PRKCE: variants seen among roughly 807,000 people sequenced by gnomAD.
The protein encoded by PRKCE is protein kinase C epsilon, also known as protein kinase C epsilon type.
Under a neutral mutation model 85.4 loss-of-function variants are expected in PRKCE, and 16 were observed. The ratio of observed to expected loss-of-function variants is 0.19; its 90% CI spans 0.13 to 0.28. The LOEUF is 0.28. Among genes scored for constraint, PRKCE ranks in the 10% least tolerant of loss-of-function variants. The probability of loss-of-function intolerance (pLI) is 1.00; values close to 1 mark genes in which losing one functional copy is unlikely to be tolerated. For missense variants in PRKCE, 573 were observed against 975.2 expected (o/e 0.59, Z 5.49); for synonymous variants, 388 against 371.5 (o/e 1.04, Z -0.51).
chr2:45,932,810 A>G (rs756579286), intron 2 of PRKCE, among the ~76,000 whole-genome samples: 1 of 152,212 alleles, frequency 6.6e-6, no homozygotes, highest in South Asian at 2.1e-4. Flanking sequence ...GCCCCGGGCA[A>G]TCGTCATGCT....
At position 46,186,358 on chromosome 2, in the gene PRKCE, T is replaced by A. The variant is rs1377820548; in HGVS notation, c.*1477T>A. On this transcript the variant is annotated 3_prime_UTR_variant, in exon 15 of 15. Coordinates refer to ENST00000306156, the MANE Select transcript of PRKCE (RefSeq NM_005400.3). Reference sequence around the variant, plus strand: ...AGTGGCAAAGTGGCACTAATGAAGCTTTTGCCTTTTGTACATTTGAGATTT... The same window carrying A: ...AGTGGCAAAGTGGCACTAATGAAGCATTTGCCTTTTGTACATTTGAGATTT... 6.6e-6 allele frequency: 1 copy of A among 152,644 alleles called. No homozygotes were observed. Among genetic ancestry groups the A allele is most frequent in the African/African-American group, 2.4e-5 (1 of 41,460 alleles). 9.5% of individuals were successfully genotyped at this position (152,644 alleles called of 1,614,324 possible). A position where few individuals can be genotyped will look rare whatever the true frequency, so the allele number is the denominator to read the frequency against.
intron 2 of PRKCE, among the ~76,000 whole-genome samples, chr2:45,850,959 C>T (rs1037443761): frequency 9.2e-5 from 14 of 152,330 alleles, no homozygotes; most frequent in Non-Finnish European, 5.9e-5. Context: ...TCATGCTCTG[C>T]TAGAAGGAGG....
chr2:45,717,538 G>A (rs371629240), intron 1 of PRKCE, among the ~76,000 whole-genome samples: 9 of 152,228 alleles, frequency 5.9e-5, no homozygotes, highest in East Asian at 1.9e-4. Flanking sequence ...ATATCTGCAC[G>A]TTCCCTGGAG....
chr2:45,765,350 A>G (rs1684828354), intron 1 of PRKCE, among the ~76,000 whole-genome samples: 1 of 152,226 alleles, frequency 6.6e-6, no homozygotes, highest in Non-Finnish European at 1.5e-5. Context: ...GCCAAGGCCA[A>G]TGGAGTCTCC....
chr2:46,079,224 G>C (rs566973843), intron 10 of PRKCE, among the ~76,000 whole-genome samples: 7 of 150,914 alleles, frequency 4.6e-5, no homozygotes, highest in Non-Finnish European at 8.8e-5. Flanking sequence ...GGACTGTTTT[G>C]TGTAATGATC....
intron 1 of PRKCE, among the ~76,000 whole-genome samples, chr2:45,699,848 G>A (rs1481786337): frequency 6.6e-6 from 1 of 152,202 alleles, no homozygotes; most frequent in Non-Finnish European, 1.5e-5. Flanking sequence ...GAAGGCACCA[G>A]TGTGGATGCC....
chr2:45,949,692 G>T (rs1388068922), intron 2 of PRKCE, among the ~76,000 whole-genome samples: 3 of 151,508 alleles, frequency 2.0e-5, no homozygotes, highest in African/African-American at 7.3e-5. Context: ...TTTGCACTGG[G>T]TCTAACAGTT....
intron 11 of PRKCE, among the ~76,000 whole-genome samples, chr2:46,094,173 T>A (rs1450706099): frequency 2.6e-5 from 4 of 152,208 alleles, no homozygotes; most frequent in Non-Finnish European, 4.4e-5. Context: ...CTGCCCTGTG[T>A]GCCTGCTGCA....
intron 4 of PRKCE, among the ~76,000 whole-genome samples, chr2:45,980,048 G>A (rs1411302140): frequency 6.6e-6 from 1 of 152,224 alleles, no homozygotes; most frequent in African/African-American, 2.4e-5. Context: ...CTCAACTGGA[G>A]AAAACTGCTA....
intron 1 of PRKCE, among the ~76,000 whole-genome samples, chr2:45,834,727 G>T (rs922064816): frequency 6.6e-6 from 1 of 152,094 alleles, no homozygotes; most frequent in African/African-American, 2.4e-5. Flanking sequence ...TTCCCTATCA[G>T]TTGGTACATT....
rs11417233 is a variant in PRKCE, at chr2:46,135,746, C to CTTTTTTTTTTTTTTTTTTTT, written c.1593-9339_1593-9320dup. Reference sequence around the variant, plus strand: ...ACCTTGGGTTCAGAAACAAATTATGCTTTTTTTTTTTTTTTTTTTTTTTTT... The same window carrying CTTTTTTTTTTTTTTTTTTTT: ...ACCTTGGGTTCAGAAACAAATTATGCTTTTTTTTTTTTTTTTTTTTTTTTTTTTTTTTTTTTTTTTTTTTT... On this transcript the variant is annotated intron_variant, in intron 11 of 14. Coordinates refer to ENST00000306156, the MANE Select transcript of PRKCE (RefSeq NM_005400.3). Among the ~76,000 whole-genome samples the CTTTTTTTTTTTTTTTTTTTT allele has an allele frequency of 3.4e-4, 7 of 20,666 alleles. 3 individuals carry two copies. Among genetic ancestry groups the CTTTTTTTTTTTTTTTTTTTT allele is most frequent in the East Asian group, 3.5e-3 (2 of 564 alleles). 13.6% of individuals were successfully genotyped at this position (20,666 alleles called of 152,430 possible).
At chr2:45,681,309 A>C (rs1676882965) in intron 1 of PRKCE, among the ~76,000 whole-genome samples, 1 of 140,720 alleles carries the variant, frequency 7.1e-6, no homozygotes, top group African/African-American at 2.5e-5. Context: ...AAAAAAAAAA[A>C]AAAAAAAAAG....
intron 2 of PRKCE, among the ~76,000 whole-genome samples, chr2:45,973,131 C>G (rs781054693): frequency 6.6e-6 from 1 of 152,162 alleles, no homozygotes; most frequent in Non-Finnish European, 1.5e-5. Context: ...TTGGAAGAGA[C>G]CTTTCATAGC....
chr2:46,040,019 T>A (rs1708127854), intron 10 of PRKCE, among the ~76,000 whole-genome samples: 1 of 152,214 alleles, frequency 6.6e-6, no homozygotes, highest in South Asian at 2.1e-4. Context: ...GGGGAGGACA[T>A]TTAATTTGAG....
rs117305822 is a variant in PRKCE, at chr2:45,994,495, C to T, written c.824-6909C>T. On this transcript the variant is annotated intron_variant, in intron 6 of 14. Transcript: ENST00000306156. The stretch of plus-strand genomic sequence containing the variant: ...TAACCACTAAACTTTTTACCATTTT[C>T]ATAGTTTTACCTTTTCCAGAATGTC... Among the ~76,000 whole-genome samples, 211 of 152,328 alleles carry T rather than the reference C, an allele frequency of 1.4e-3. 4 individuals are homozygous for T. The East Asian group carries it at 0.033, about 23-fold the overall frequency.
chr2:45,667,846 A>T (rs1366933424), intron 1 of PRKCE, among the ~76,000 whole-genome samples: 1 of 152,108 alleles, frequency 6.6e-6, no homozygotes, highest in Non-Finnish European at 1.5e-5. Flanking sequence ...TATGGAACCA[A>T]GTGGCACTGT....
At chr2:45,981,180 C>G (rs1702863284) in intron 5 of PRKCE, among the ~76,000 whole-genome samples, 1 of 152,132 alleles carries the variant, frequency 6.6e-6, no homozygotes, top group Non-Finnish European at 1.5e-5. Context: ...AATGATAGTC[C>G]CACTGATAGA....
chr2:45,766,767 C>G (rs1166090109), intron 1 of PRKCE, among the ~76,000 whole-genome samples: 1 of 152,174 alleles, frequency 6.6e-6, no homozygotes, highest in African/African-American at 2.4e-5. Context: ...GGGCCGGGCA[C>G]GGAGGCTCAT....
chr2:46,004,512 G>A lies in PRKCE; in HGVS notation c.967-30G>A. 1.3e-6 allele frequency: 2 copies of A among 1,531,734 alleles called. No homozygotes were observed. Among genetic ancestry groups the A allele is most frequent in the Non-Finnish European group, 1.8e-6 (2 of 1,136,024 alleles). 94.9% of individuals were successfully genotyped at this position (1,531,734 alleles called of 1,614,324 possible). ...AAAACTCTCAACCCTCCCTTCTGAT[G>A]CCTCTGTCCCTGCTTTCTCTCCTCT... On this transcript the variant is annotated intron_variant, in intron 7 of 14. Coordinates refer to ENST00000306156, the MANE Select transcript of PRKCE (RefSeq NM_005400.3). The surrounding 1 kb of genome is among the most constrained non-coding windows in gnomAD (Gnocchi z 4.1).
Sources: allele counts gnomAD v4.1 joint callset (sites outside exome capture counted in the v4.1 genomes callset), GRCh38; gene constraint gnomAD v4.1.1; non-coding constraint Gnocchi (gnomAD v3.1); transcripts MANE v1.5; gene names NCBI Gene and HGNC (gene_info 2026-07-23, HGNC 2026-07-21).